ACSL3: variants seen among roughly 807,000 people sequenced by gnomAD.
The protein encoded by ACSL3 is acyl-CoA synthetase long chain family member 3, also known as fatty acid CoA ligase Acsl3.
Under a neutral mutation model 84.7 loss-of-function variants are expected in ACSL3, and 34 were observed. That is an observed-to-expected ratio of 0.40 (90% CI 0.31 to 0.53). The LOEUF is 0.53. Among genes scored for constraint, ACSL3 ranks in the 20% least tolerant of loss-of-function variants. ACSL3 has a pLI of 0.48. For synonymous variants in ACSL3, 315 were observed against 299.4 expected (o/e 1.05, Z -0.54); for missense variants, 680 against 873.1 (o/e 0.78, Z 2.79).
At chr2:222,898,848 G>A (rs977028805) in intron 2 of ACSL3, among the ~76,000 whole-genome samples, 8 of 151,898 alleles carry the variant, frequency 5.3e-5, no homozygotes, top group East Asian at 1.9e-4. Flanking sequence ...ACAAACAAAC[G>A]AAAACAAAAC....
intron 1 of ACSL3, among the ~76,000 whole-genome samples, chr2:222,878,533 C>T (rs1287379495): frequency 6.6e-6 from 1 of 152,102 alleles, no homozygotes; most frequent in Non-Finnish European, 1.5e-5. Flanking sequence ...CTTGTTGGTT[C>T]TTCTGGCATC....
intron 16 of ACSL3, among the ~76,000 whole-genome samples, chr2:222,938,387 G>A (rs575050229): frequency 2.9e-4 from 44 of 152,226 alleles, no homozygotes; most frequent in African/African-American, 1.0e-3. Context: ...TTATCAAGGA[G>A]TCTTAATTTT....
At chr2:222,916,684 A>G (rs1696593005) in intron 5 of ACSL3, 188 bp downstream of exon 5, 2 of 585,536 alleles carry the variant, frequency 3.4e-6, no homozygotes, top group Admixed American at 3.5e-5. Flanking sequence ...AATTGTACCA[A>G]TCAGTGTTGC....
intron 13 of ACSL3, 159 bp from the exon 14 acceptor site, chr2:222,930,462 C>T (rs951406182): frequency 8.9e-5 from 47 of 527,762 alleles, no homozygotes; most frequent in Middle Eastern, 5.2e-4. Context: ...TTTGTGCCTA[C>T]TGTTAAATTG....
rs10755042 is a variant in ACSL3 at position 222,943,683 on chromosome 2, A to C, written c.*2029A>C. ...CCAGGTGTCAAATGCCACAGTAGAA[A>C]GTGAAATTAAGTAGAGTCCCCTTTT... On this transcript the variant is annotated 3_prime_UTR_variant, in exon 17 of 17. Coordinates refer to ENST00000357430, the MANE Select transcript of ACSL3 (RefSeq NM_004457.5). The C allele has an allele frequency of 0.83, 126,435 of 152,102 alleles. 52,846 individuals carry two copies. Among genetic ancestry groups the C allele is most frequent in the East Asian group, 0.97 (5,037 of 5,190 alleles). The allele number at this position is 152,102 out of a possible 1,614,324, so 9.4% of individuals were successfully genotyped here.
chr2:222,862,121 A>G (rs749583532), intron 1 of ACSL3, among the ~76,000 whole-genome samples: 20 of 152,232 alleles, frequency 1.3e-4, no homozygotes, highest in Non-Finnish European at 2.2e-4. Flanking sequence ...GAACGAAATT[A>G]TAGCTGAAAA....
At chr2:222,891,655 T>C (rs911425158) in intron 2 of ACSL3, among the ~76,000 whole-genome samples, 9 of 152,182 alleles carry the variant, frequency 5.9e-5, no homozygotes, top group Non-Finnish European at 1.0e-4. Flanking sequence ...ATCATACTAA[T>C]AGGACTGAAA....
intron 1 of ACSL3, among the ~76,000 whole-genome samples, chr2:222,867,082 C>A (rs891067182): frequency 6.6e-6 from 1 of 152,066 alleles, no homozygotes; most frequent in Non-Finnish European, 1.5e-5. Flanking sequence ...ATCTGCCCAT[C>A]TCAGCCTCCC....
intron 4 of ACSL3, among the ~76,000 whole-genome samples, chr2:222,913,582 T>G (rs974352317): frequency 1.6e-4 from 25 of 152,106 alleles, no homozygotes; most frequent in African/African-American, 5.8e-4. Context: ...TTAGCAGGCC[T>G]CCTTGCTTCC....
At chr2:222,891,785 T>G (rs1695850473) in intron 2 of ACSL3, among the ~76,000 whole-genome samples, 1 of 152,222 alleles carries the variant, frequency 6.6e-6, no homozygotes, top group African/African-American at 2.4e-5. Context: ...CCTCTCTCCT[T>G]TCCAATGTTT....
chr2:222,921,854 G>A (rs4674726), intron 8 of ACSL3, among the ~76,000 whole-genome samples: 138,714 of 152,180 alleles, frequency 0.91, 63,335 homozygotes, highest in East Asian at 0.98. Context: ...GTGGAGTGGG[G>A]AAGAGACTGA....
At position 222,923,789 on chromosome 2, in the gene ACSL3, A is replaced by AGTTTC. The variant is rs1553598294; in HGVS notation, c.1152+642_1152+643insTTCGT. The stretch of plus-strand genomic sequence containing the variant: ...ACTTCAAAGTCAAATATAAATAATC[A>AGTTTC]GTAGTTTCTTTCTATAATTATAGTT... On this transcript the variant is annotated intron_variant, in intron 10 of 16. Transcript: ENST00000357430. Among the ~76,000 whole-genome samples, 303 of 151,810 alleles carry AGTTTC rather than the reference A, an allele frequency of 2.0e-3. 4 individuals carry two copies. The highest frequency in any genetic ancestry group is 7.1e-3 in the African/African-American group (296 of 41,422).
intron 11 of ACSL3, among the ~76,000 whole-genome samples, chr2:222,926,611 C>A (rs1696880725): frequency 2.0e-5 from 3 of 152,046 alleles, no homozygotes; most frequent in African/African-American, 7.2e-5. Context: ...AAATTATACA[C>A]ATTTCTAATA....
chr2:222,888,771 C>G lies in ACSL3; in HGVS notation c.-148+883C>G, dbSNP rs374935253. Among the ~76,000 whole-genome samples the G allele has an allele frequency of 3.8e-3, 583 of 152,266 alleles. 2 individuals are homozygous for G. Among genetic ancestry groups the G allele is most frequent in the Middle Eastern group, 0.02 (6 of 294 alleles). On this transcript the variant is annotated intron_variant, in intron 2 of 16. Coordinates refer to ENST00000357430, the MANE Select transcript of ACSL3 (RefSeq NM_004457.5). ...TTTTCATAGAGTGTATCTTTCCAGA[C>G]GCTTTGTTTGCGACGCTTTGTTTGC...
intron 3 of ACSL3, among the ~76,000 whole-genome samples, chr2:222,902,963 G>A (rs193048619): frequency 6.6e-6 from 1 of 152,234 alleles, no homozygotes; most frequent in East Asian, 1.9e-4. Flanking sequence ...GGTTTCACCG[G>A]GGACTCTACC....
chr2:222,939,358 T>A (rs1559306597), intron 16 of ACSL3, among the ~76,000 whole-genome samples: 2 of 152,148 alleles, frequency 1.3e-5, no homozygotes, highest in East Asian at 3.9e-4. Flanking sequence ...ACAATCTAAT[T>A]GAAGAGGTTT....
At chr2:222,925,529 A>G (rs1696856143) in intron 11 of ACSL3, among the ~76,000 whole-genome samples, 1 of 151,632 alleles carries the variant, frequency 6.6e-6, no homozygotes, top group Non-Finnish European at 1.5e-5. Flanking sequence ...CAGTGGGAGG[A>G]TTATTTGGGC....
At position 222,943,592 on chromosome 2, in the gene ACSL3, CTA is replaced by C. The variant is rs1697383432; in HGVS notation, c.*1940_*1941del. The stretch of plus-strand genomic sequence containing the variant: ...CCATCTAATGAGGCAGGCTTAAACT[CTA>C]TTTAGTTTCGTTTGTTTTCTCATAT... On this transcript the variant is annotated 3_prime_UTR_variant, in exon 17 of 17. Coordinates refer to ENST00000357430, the MANE Select transcript of ACSL3 (RefSeq NM_004457.5). The C allele has an allele frequency of 6.5e-6, 1 of 154,174 alleles. No homozygotes were observed. The highest frequency in any genetic ancestry group is 2.1e-4 in the South Asian group (1 of 4,840). The allele number at this position is 154,174 out of a possible 1,614,324, so 9.6% of individuals were successfully genotyped here.
At chr2:222,899,147 A>G (rs925605121) in intron 2 of ACSL3, among the ~76,000 whole-genome samples, 1 of 152,188 alleles carries the variant, frequency 6.6e-6, no homozygotes, top group Non-Finnish European at 1.5e-5. Flanking sequence ...TAAACACTGG[A>G]AAAAATACAG....
Sources: allele counts gnomAD v4.1 joint callset (sites outside exome capture counted in the v4.1 genomes callset), GRCh38; gene constraint gnomAD v4.1.1; transcripts MANE v1.5; gene names NCBI Gene and HGNC (gene_info 2026-07-23, HGNC 2026-07-21).